The following NPSR1 variants were observed in gnomAD, a reference collection of about 807,000 sequenced individuals.
The protein encoded by NPSR1 is neuropeptide S receptor.
Under a neutral mutation model 46.9 loss-of-function variants are expected in NPSR1, and 48 were observed. That is an observed-to-expected ratio of 1.02 (90% CI 0.81 to 1.30). The LOEUF (loss-of-function observed/expected upper bound fraction) is 1.30, where lower values mean the gene tolerates loss of function less well. Ranked by LOEUF, NPSR1 falls within the 50% of genes most tolerant of loss-of-function variation. The pLI, the probability that NPSR1 is intolerant of heterozygous loss-of-function variation, is 0.00. For synonymous variants in NPSR1, 176 were observed against 168.1 expected (o/e 1.05, Z -0.36); for missense variants, 450 against 449.5 (o/e 1.00, Z -0.01).
chr7:34,678,023 C>T (rs1792406877), intron 1 of NPSR1, among the ~76,000 whole-genome samples: 1 of 152,160 alleles, frequency 6.6e-6, no homozygotes, highest in Non-Finnish European at 1.5e-5. Flanking sequence ...TCTCACCTCT[C>T]CCACCATGGA....
chr7:34,719,488 C>T (rs886435021), intron 2 of NPSR1: 1 of 152,096 alleles, frequency 6.6e-6, no homozygotes, highest in African/African-American at 2.4e-5. Context: ...AAAAGATCTT[C>T]CCTAGGAAAA....
At chr7:34,792,679 A>ATATATATTTTTT (rs1562733206) in intron 3 of NPSR1, among the ~76,000 whole-genome samples, 19 of 121,892 alleles carry the variant, frequency 1.6e-4, no homozygotes, top group Non-Finnish European at 2.7e-4. Context: ...ATATATGTAT[A>ATATATATTTTTT]TATATATATG....
chr7:34,865,218 A>G (rs1791283972), intron 8 of NPSR1, among the ~76,000 whole-genome samples: 1 of 151,744 alleles, frequency 6.6e-6, no homozygotes, highest in African/African-American at 2.4e-5. Flanking sequence ...ACAAACATTT[A>G]TTTTTGCTCA....
chr7:34,682,427 G>A (rs1792691409), intron 1 of NPSR1, among the ~76,000 whole-genome samples: 1 of 152,152 alleles, frequency 6.6e-6, no homozygotes, highest in Admixed American at 6.5e-5. Context: ...GAGGAACATA[G>A]ACACATTATC....
At chr7:34,798,031 G>A (rs188023551) in intron 3 of NPSR1, among the ~76,000 whole-genome samples, 2 of 152,138 alleles carry the variant, frequency 1.3e-5, no homozygotes, top group African/African-American at 4.8e-5. Flanking sequence ...GCTAAAAGAA[G>A]TTCTTCAGAT....
intron 2 of NPSR1, among the ~76,000 whole-genome samples, chr7:34,731,717 T>C (rs1176611815): frequency 6.6e-6 from 1 of 152,112 alleles, no homozygotes; most frequent in African/African-American, 2.4e-5. Flanking sequence ...TTTTCACTAC[T>C]TTAGATGAGG....
intron 2 of NPSR1, chr7:34,751,577 C>T: frequency 1.2e-6 from 2 of 1,600,034 alleles, no homozygotes; most frequent in Admixed American, 3.3e-5. Context: ...GTCTTGTGCT[C>T]CTGTTCTTCC....
At chr7:34,705,434 CAA>C (rs67782714) in intron 2 of NPSR1, among the ~76,000 whole-genome samples, 20,311 of 111,282 alleles carry the variant, frequency 0.18, 1,676 homozygotes, top group East Asian at 0.38. Flanking sequence ...GACTCCATAT[CAA>C]AAAAAAAAAA....
intron 2 of NPSR1, among the ~76,000 whole-genome samples, chr7:34,736,735 G>A (rs946534890): frequency 4.6e-5 from 7 of 152,010 alleles, no homozygotes; most frequent in Admixed American, 3.3e-4. Flanking sequence ...CAAGCAGCTA[G>A]GACTATGGTC....
At chr7:34,666,249 A>G (rs989089089) in intron 1 of NPSR1, among the ~76,000 whole-genome samples, 2 of 152,208 alleles carry the variant, frequency 1.3e-5, no homozygotes, top group South Asian at 4.1e-4. Context: ...GAGGCACTAC[A>G]CAAGCCTGGA....
At chr7:34,846,901 T>C (rs1216795125) in intron 7 of NPSR1, among the ~76,000 whole-genome samples, 1 of 152,180 alleles carries the variant, frequency 6.6e-6, no homozygotes, top group Non-Finnish European at 1.5e-5. Flanking sequence ...ATACAAATCT[T>C]TGCTGGCTGG....
At chr7:34,814,184 G>C (rs888608364) in intron 4 of NPSR1, among the ~76,000 whole-genome samples, 3 of 152,224 alleles carry the variant, frequency 2.0e-5, no homozygotes, top group Non-Finnish European at 2.9e-5. Context: ...ACTGTACCTG[G>C]GACACTCCTG....
intron 3 of NPSR1, among the ~76,000 whole-genome samples, chr7:34,799,568 A>G (rs1285844994): frequency 2.6e-5 from 4 of 150,994 alleles, no homozygotes; most frequent in Admixed American, 6.6e-5. Context: ...TGAAGGAAGC[A>G]CTAAACATGC....
At chr7:34,760,491 C>CA (rs1786116722) in intron 2 of NPSR1, among the ~76,000 whole-genome samples, 1 of 152,298 alleles carries the variant, frequency 6.6e-6, no homozygotes, top group African/African-American at 2.4e-5. Context: ...AGCCAACATT[C>CA]AAAATCCCAC....
At chr7:34,701,039 A>G (rs1434761965) in intron 2 of NPSR1, among the ~76,000 whole-genome samples, 1 of 152,212 alleles carries the variant, frequency 6.6e-6, no homozygotes, top group Non-Finnish European at 1.5e-5. Context: ...TCTTTTATTC[A>G]GGACAATACA....
intron 2 of NPSR1, among the ~76,000 whole-genome samples, chr7:34,767,479 A>G (rs1404286802): frequency 6.6e-6 from 1 of 152,194 alleles, no homozygotes; most frequent in Non-Finnish European, 1.5e-5. Context: ...AGTAATTCAC[A>G]GATTTAATTC....
At chr7:34,773,976 A>G (rs150731474) in intron 2 of NPSR1, among the ~76,000 whole-genome samples, 121 of 152,208 alleles carry the variant, frequency 7.9e-4, no homozygotes, top group African/African-American at 2.7e-3. Context: ...CTTGTTTCCA[A>G]TCTCCAAGTC....
intron 6 of NPSR1, among the ~76,000 whole-genome samples, chr7:34,842,678 A>G (rs1790612868): frequency 6.6e-6 from 1 of 152,252 alleles, no homozygotes; most frequent in Admixed American, 6.5e-5. Context: ...TGCTTTAAGA[A>G]CTATGAATTA....
chr7:34,788,636 C>G (rs142253474), intron 3 of NPSR1, among the ~76,000 whole-genome samples: 6 of 152,042 alleles, frequency 3.9e-5, no homozygotes, highest in African/African-American at 1.4e-4. Flanking sequence ...TATATATGGA[C>G]CCTACACTGG....
Sources: allele counts gnomAD v4.1 joint callset (sites outside exome capture counted in the v4.1 genomes callset), GRCh38; gene constraint gnomAD v4.1.1; transcripts MANE v1.5; gene names NCBI Gene and HGNC (gene_info 2026-07-23, HGNC 2026-07-21).